ABLIM1: variants seen among roughly 807,000 people sequenced by gnomAD.
ABLIM1 encodes the protein actin-binding LIM protein 1.
Under a neutral mutation model 107.0 loss-of-function variants are expected in ABLIM1, and 40 were observed. The observed-to-expected ratio is 0.37, with a 90% CI of 0.29 to 0.49. ABLIM1 has a LOEUF of 0.49. Ranked by LOEUF, ABLIM1 falls within the 20% of genes least tolerant of loss-of-function variation. ABLIM1 has a pLI of 0.97. For synonymous variants in ABLIM1, 357 were observed against 357.3 expected (o/e 1.00, Z 0.01); for missense variants, 857 against 1,008.5 (o/e 0.85, Z 2.04).
intron 21 of ABLIM1, among the ~76,000 whole-genome samples, chr10:114,438,249 T>TTTTTTG (rs1209752422): frequency 2.0e-5 from 3 of 152,114 alleles, no homozygotes; most frequent in South Asian, 4.2e-4. Flanking sequence ...CAGGCACGTG[T>TTTTTTG]TTTTTGTTTT....
intron 1 of ABLIM1, among the ~76,000 whole-genome samples, chr10:114,673,853 TA>T (rs1306864969): frequency 1.3e-5 from 2 of 152,000 alleles, no homozygotes; most frequent in Non-Finnish European, 2.9e-5. Flanking sequence ...TTGTTTTCAA[TA>T]AAGATGAAAT....
intron 22 of ABLIM1, among the ~76,000 whole-genome samples, chr10:114,437,368 G>C (rs796094274): frequency 6.7e-6 from 1 of 149,490 alleles, no homozygotes; most frequent in African/African-American, 2.5e-5. Flanking sequence ...GCCCAAGCTG[G>C]AGTACAGTGG....
At chr10:114,542,590 G>C (rs2066832801) in intron 6 of ABLIM1, among the ~76,000 whole-genome samples, 1 of 39,362 alleles carries the variant, frequency 2.5e-5, no homozygotes, top group South Asian at 8.2e-4. Context: ...GGAGGAGGAG[G>C]AAGGAGGAAG....
intron 5 of ABLIM1, among the ~76,000 whole-genome samples, chr10:114,546,600 GC>G (rs1171578951): frequency 3.9e-5 from 6 of 152,084 alleles, no homozygotes; most frequent in African/African-American, 1.4e-4. Flanking sequence ...CAGCCTTCTT[GC>G]CCTTTCAGTG....
intron 1 of ABLIM1, among the ~76,000 whole-genome samples, chr10:114,642,550 T>C (rs570767156): frequency 2.6e-5 from 4 of 152,066 alleles, no homozygotes; most frequent in African/African-American, 9.6e-5. Context: ...GAGAAAACAA[T>C]AGATGTGCAA....
chr10:114,726,509 G>C (rs1386385023), intron 1 of ABLIM1, among the ~76,000 whole-genome samples: 1 of 152,062 alleles, frequency 6.6e-6, no homozygotes, highest in Non-Finnish European at 1.5e-5. Flanking sequence ...TAAACAACCA[G>C]AGATCACAAT....
intron 1 of ABLIM1, chr10:114,764,840 G>A (rs989783698): frequency 6.6e-6 from 1 of 152,162 alleles, no homozygotes; most frequent in Non-Finnish European, 1.5e-5. Flanking sequence ...GAAATGTCCT[G>A]CGCAGGCCAT....
At chr10:114,646,763 C>G (rs1362280792) in intron 1 of ABLIM1, among the ~76,000 whole-genome samples, 2 of 152,138 alleles carry the variant, frequency 1.3e-5, no homozygotes, top group African/African-American at 4.8e-5. Flanking sequence ...TGAACTGGAT[C>G]ACTCTTGGTA....
chr10:114,645,490 A>C (rs2078975036), intron 1 of ABLIM1, among the ~76,000 whole-genome samples: 1 of 152,134 alleles, frequency 6.6e-6, no homozygotes, highest in South Asian at 2.1e-4. Flanking sequence ...GGGAGTTCTA[A>C]ACAAAAGAGA....
chr10:114,528,151 G>T (rs1427310034), intron 6 of ABLIM1, among the ~76,000 whole-genome samples: 1 of 151,844 alleles, frequency 6.6e-6, no homozygotes, highest in African/African-American at 2.4e-5. Context: ...TAAATTTTTT[G>T]TGGAGACAGG....
At chr10:114,625,840 T>C (rs1591644676) in intron 1 of ABLIM1, among the ~76,000 whole-genome samples, 1 of 152,350 alleles carries the variant, frequency 6.6e-6, no homozygotes, top group African/African-American at 2.4e-5. Context: ...TCTGACCTCC[T>C]GTGAGTCTCC....
At chr10:114,541,226 C>A (rs182799989) in intron 6 of ABLIM1, among the ~76,000 whole-genome samples, 152 of 151,732 alleles carry the variant, frequency 1.0e-3, no homozygotes, top group Non-Finnish European at 2.7e-4. Flanking sequence ...TGCTTTCAGA[C>A]GTCTAACCTC....
chr10:114,474,056 A>C, intron 8 of ABLIM1, 100 bp from the exon 9 acceptor site: 3 of 831,494 alleles, frequency 3.6e-6, no homozygotes, highest in Non-Finnish European at 5.8e-6. Context: ...CTAGTGAAAA[A>C]AAGAAACACT....
chr10:114,615,361 G>C (rs565915273), intron 1 of ABLIM1, among the ~76,000 whole-genome samples: 1 of 152,004 alleles, frequency 6.6e-6, no homozygotes, highest in African/African-American at 2.4e-5. Flanking sequence ...AGCTGTTTGC[G>C]AGCCCAGCTC....
At chr10:114,641,711 G>C (rs1456275455) in intron 1 of ABLIM1, among the ~76,000 whole-genome samples, 1 of 151,392 alleles carries the variant, frequency 6.6e-6, no homozygotes, top group African/African-American at 2.4e-5. Flanking sequence ...ACCCCAGACA[G>C]AGTAAGCAGT....
At chr10:114,454,792 A>G (rs2062493609) in intron 12 of ABLIM1, among the ~76,000 whole-genome samples, 1 of 152,176 alleles carries the variant, frequency 6.6e-6, no homozygotes, top group African/African-American at 2.4e-5. Flanking sequence ...AGCTCAATAA[A>G]TTAGTAGGGG....
intron 14 of ABLIM1, 118 bp downstream of exon 14, chr10:114,451,506 C>T: frequency 1.1e-6 from 1 of 924,728 alleles, no homozygotes; most frequent in Non-Finnish European, 1.8e-6. Flanking sequence ...GCATAATATG[C>T]TGGATGCCCC....
At chr10:114,635,670 C>T (rs570812766) in intron 1 of ABLIM1, among the ~76,000 whole-genome samples, 9 of 152,164 alleles carry the variant, frequency 5.9e-5, no homozygotes, top group East Asian at 1.9e-4. Context: ...GATTGCAGTG[C>T]GCCACCACGC....
At chr10:114,704,267 T>G (rs2081362026) in intron 1 of ABLIM1, among the ~76,000 whole-genome samples, 2 of 78,666 alleles carry the variant, frequency 2.5e-5, no homozygotes, top group Admixed American at 1.2e-4. Context: ...TCTATCTCTC[T>G]CTCGCTCTCT....
Sources: gnomAD v4.1 joint callset for allele counts (sites outside exome capture counted in the v4.1 genomes callset) on GRCh38, gnomAD v4.1.1 for gene constraint, MANE v1.5 for transcripts, NCBI Gene and HGNC (gene_info 2026-07-23, HGNC 2026-07-21) for gene names.